The following CD6 variants were observed in gnomAD, a reference collection of about 807,000 sequenced individuals.
The protein encoded by CD6 is T-cell differentiation antigen CD6.
CD6 carries 53 observed loss-of-function variants against 75.3 expected under a neutral mutation model. The ratio of observed to expected loss-of-function variants is 0.70; its 90% CI spans 0.56 to 0.88. CD6 has a LOEUF of 0.88. CD6 is among the 40% of genes least tolerant of loss of function. The pLI is 0.00. For synonymous variants in CD6, 359 were observed against 381.5 expected, an observed-to-expected ratio of 0.94 and a Z score of 0.69; for missense variants, 770 against 897.1, an observed-to-expected ratio of 0.86 and a Z score of 1.81.
At chr11:60,991,113 TTTTC>T (rs1356539536) in intron 1 of CD6, among the ~76,000 whole-genome samples, 30 of 151,408 alleles carry the variant, frequency 2.0e-4, no homozygotes, top group African/African-American at 4.8e-4. Context: ...AGCCATTTCC[TTTTC>T]TTTCTTTCTT....
rs141701259 is a variant in CD6 at position 61,007,774 on chromosome 11, G to A, written c.333G>A (p.Gly111=). The part of the protein sequence containing the change: ...TPELPPPPAA[G]NTSVAANATL... The stretch of plus-strand genomic sequence containing the variant: ...AGCTGCCGCCCCCGCCTGCAGCCGG[G>A]AACACCAGCGTAGCAGCTAATGCCA... Residue 111 remains glycine (G), a synonymous_variant, in exon 3 of 13, where the codon GGG becomes GGA. Transcript: ENST00000313421. This position sits in a 1 kb window ranked among gnomAD's most constrained non-coding sequence, Gnocchi z 4.2. The A allele has an allele frequency of 3.9e-5, 58 of 1,469,406 alleles. No individual in the cohort carries two copies. In the East Asian group the frequency reaches 1.7e-3, roughly 43 times the overall value. The allele number at this position is 1,469,406 out of a possible 1,614,324, so 91.0% of individuals were successfully genotyped here.
chr11:61,020,171 GGCTCA>G lies in CD6; in HGVS notation c.*855_*859del, dbSNP rs1859604828. 2.5e-6 allele frequency: 1 copy of G among 398,530 alleles called. No homozygotes were observed. The highest frequency in any genetic ancestry group is 4.4e-6 in the Non-Finnish European group (1 of 226,088). 24.7% of individuals were successfully genotyped at this position (398,530 alleles called of 1,614,324 possible). On this transcript the variant is annotated 3_prime_UTR_variant, in exon 13 of 13. Coordinates refer to ENST00000313421, the MANE Select transcript of CD6 (RefSeq NM_006725.5). ...AGCATAGAGATGTTTTCCAGGAAGG[GGCTCA>G]GAAGCTGCACTAGGCCCCGAGTCCC... is the stretch of plus-strand genomic sequence containing the variant.
chr11:60,978,455 G>A (rs1475783865), intron 1 of CD6, among the ~76,000 whole-genome samples: 1 of 152,234 alleles, frequency 6.6e-6, no homozygotes, highest in African/African-American at 2.4e-5. Flanking sequence ...CCTTGAGGAG[G>A]GGTGAGGTGG....
At chr11:61,006,671 T>C (rs770946545) in intron 2 of CD6, 29 bp downstream of exon 2, 2 of 1,572,432 alleles carry the variant, frequency 1.3e-6, no homozygotes, top group Non-Finnish European at 1.7e-6. Flanking sequence ...TGGGGGTCCA[T>C]GATCAGCTTT....
intron 1 of CD6, among the ~76,000 whole-genome samples, chr11:60,984,384 G>A (rs1372840026): frequency 6.6e-6 from 1 of 152,156 alleles, no homozygotes; most frequent in Non-Finnish European, 1.5e-5. Context: ...ATGAGGCCAA[G>A]GTTTGAGCTC....
chr11:60,986,562 C>T (rs1472268086), intron 1 of CD6, among the ~76,000 whole-genome samples: 1 of 152,350 alleles, frequency 6.6e-6, no homozygotes, highest in East Asian at 1.9e-4. Flanking sequence ...GTGGGGGCTG[C>T]CTCAGCCCTA....
rs778444894 is a variant in CD6, at chr11:61,015,743, C to T, written c.1418C>T (p.Pro473Leu). ...ATGCTGCCCATCCAGGTCCAGGCCC[C>T]GCCCCCTGAGGACTCAGACTCTGGC... ...VFMLPIQVQA[P>L]PPEDSDSGSD... Residue 473 changes from proline to leucine, a missense_variant, in exon 9 of 13, where the codon CCG (proline) becomes CTG (leucine). By Grantham distance (98) the Pro-to-Leu change is moderately conservative. Transcript: ENST00000313421. 8.1e-6 allele frequency: 13 copies of T among 1,614,178 alleles called. No individual in the cohort carries two copies. Among genetic ancestry groups the T allele is most frequent in the Middle Eastern group, 1.6e-4 (1 of 6,062 alleles).
At chr11:61,003,238 T>G (rs1858681756) in intron 1 of CD6, among the ~76,000 whole-genome samples, 1 of 151,762 alleles carries the variant, frequency 6.6e-6, no homozygotes, top group South Asian at 2.1e-4. Flanking sequence ...GTGTTGGGCT[T>G]ACAGGCGTGA....
intron 8 of CD6, among the ~76,000 whole-genome samples, chr11:61,015,262 G>T (rs914287211): frequency 4.6e-5 from 7 of 152,186 alleles, no homozygotes; most frequent in African/African-American, 1.7e-4. Flanking sequence ...CTTCAGACTG[G>T]GTGGCTTGTA....
intron 1 of CD6, chr11:61,004,361 A>C (rs1285626944): frequency 6.6e-6 from 1 of 152,238 alleles, no homozygotes; most frequent in African/African-American, 2.4e-5. Flanking sequence ...GGATTCTGAA[A>C]TCCTAACTTG....
At chr11:61,018,688 C>A in intron 12 of CD6, 1 of 317,034 alleles carries the variant, frequency 3.2e-6, no homozygotes, top group Non-Finnish European at 6.0e-6. Context: ...AAGGGTAGCA[C>A]GTGCCTATAG....
intron 1 of CD6, chr11:60,982,590 G>C: frequency 2.2e-6 from 1 of 456,088 alleles, no homozygotes; most frequent in Non-Finnish European, 4.4e-6. Flanking sequence ...GTGTGCTCTC[G>C]TTTTGCCTCC....
In CD6 at chr11:61,006,427, T is replaced by C. The variant is rs1858861057; in HGVS notation, c.50-147T>C. The C allele has an allele frequency of 4.8e-6, 3 of 621,014 alleles. No homozygotes were observed. In the Admixed American group the frequency reaches 7.7e-5, roughly 16 times the overall value. The allele number at this position is 621,014 out of a possible 1,614,324, so 38.5% of individuals were successfully genotyped here. On this transcript the variant is annotated intron_variant, in intron 1 of 12. Coordinates refer to ENST00000313421, the MANE Select transcript of CD6 (RefSeq NM_006725.5). ...TTTCCCTACCTTGAAGGGAGGCCAATGCACCCAAAGTTGAGGACCACGTCT... is the reference window on the plus strand; with the variant it reads ...TTTCCCTACCTTGAAGGGAGGCCAACGCACCCAAAGTTGAGGACCACGTCT...
intron 6 of CD6, among the ~76,000 whole-genome samples, chr11:61,011,917 C>T (rs1297999977): frequency 1.3e-5 from 2 of 152,194 alleles, no homozygotes; most frequent in Admixed American, 1.3e-4. Context: ...CTGTGAGGCT[C>T]CAGTGAATTA....
chr11:61,001,735 T>C (rs1858595440), intron 1 of CD6, among the ~76,000 whole-genome samples: 1 of 152,208 alleles, frequency 6.6e-6, no homozygotes, highest in South Asian at 2.1e-4. Flanking sequence ...CTATCTTCCA[T>C]GGCTGTGACT....
At chr11:60,991,135 T>A (rs1475679414) in intron 1 of CD6, among the ~76,000 whole-genome samples, 2 of 141,018 alleles carry the variant, frequency 1.4e-5, no homozygotes, top group Non-Finnish European at 3.0e-5. Context: ...CTTTCTTTTC[T>A]TTTCTTTTTC....
chr11:61,000,938 C>T (rs145889488), intron 1 of CD6, among the ~76,000 whole-genome samples: 102 of 152,156 alleles, frequency 6.7e-4, no homozygotes, highest in South Asian at 4.4e-3. Context: ...GGGCTGGGGT[C>T]GGCACTCCCA....
In CD6 at chr11:61,009,706, T is replaced by C; in HGVS notation, c.916T>C (p.Leu306=). ...PSEAKVLCQS[L]GCGTAVERPK... ...GGAGGCCAAGGTGCTCTGCCAGTCC[T>C]TGGGCTGTGGAACTGCGGTTGAGAG... The change falls in exon 5 of 13, where the codon TTG becomes CTG. Residue 306 remains leucine, a synonymous_variant. Transcript: ENST00000313421. The C allele has an allele frequency of 1.2e-6, 2 of 1,614,126 alleles. No individual in the cohort carries two copies. The highest frequency in any genetic ancestry group is 1.7e-6 in the Non-Finnish European group (2 of 1,180,024).
Position 61,015,818 on chromosome 11 carries a change from C to T in CD6, c.1493C>T (p.Ala498Val). The T allele has an allele frequency of 6.2e-7, 1 of 1,614,176 alleles. No homozygotes were observed. The highest frequency in any genetic ancestry group is 8.5e-7 in the Non-Finnish European group (1 of 1,180,036). ...HYDFSAQPPV[A>V]LTTFYNSQRH... ...GACTTCAGCGCCCAGCCTCCTGTGG[C>T]CCTGACCACCTTCTACAGTGAGTGC... The change falls in exon 9 of 13, where the codon GCC becomes GTC. Residue 498 changes from alanine to valine, a missense_variant. Physicochemically the swap from Ala to Val is moderately conservative, Grantham distance 64. Coordinates refer to ENST00000313421, the MANE Select transcript of CD6 (RefSeq NM_006725.5).
Sources: gnomAD v4.1 joint callset for allele counts (sites outside exome capture counted in the v4.1 genomes callset) on GRCh38, gnomAD v4.1.1 for gene constraint, Gnocchi (gnomAD v3.1) non-coding constraint, MANE v1.5 for transcripts, NCBI Gene and HGNC (gene_info 2026-07-23, HGNC 2026-07-21) for gene names.